SLC9D1: variants seen among roughly 807,000 people sequenced by gnomAD.
The protein encoded by SLC9D1 is solute carrier family 9 member D1.
At chr13:113,535,959 G>A in the SLC9D1 span, among the ~76,000 whole-genome samples, 2 of 152,226 alleles carry the variant, frequency 1.3e-5, no homozygotes, top group East Asian at 1.9e-4. This position sits in a 1 kb window ranked among gnomAD's most constrained non-coding sequence, Gnocchi z 4.1. Context: ...TGCTGTGTCC[G>A]TATCAGCACC....
the SLC9D1 span, among the ~76,000 whole-genome samples, chr13:113,531,629 G>A: frequency 1.3e-5 from 2 of 149,852 alleles, no homozygotes; most frequent in Non-Finnish European, 3.0e-5. Context: ...GTGGCACGGC[G>A]CCCCGTACGT....
the SLC9D1 span, chr13:113,510,417 CAA>C: frequency 6.2e-7 from 1 of 1,611,262 alleles, no homozygotes; most frequent in Non-Finnish European, 8.5e-7. Flanking sequence ...CTCGGGGTGA[CAA>C]AGAAGGTAGG....
chr13:113,514,792 C>G, the SLC9D1 span, among the ~76,000 whole-genome samples: 1 of 152,234 alleles, frequency 6.6e-6, no homozygotes, highest in Admixed American at 6.5e-5. Flanking sequence ...TCTTGGCTCA[C>G]TGCAGCCCCA....
At chr13:113,515,867 G>A in the SLC9D1 span, among the ~76,000 whole-genome samples, 11 of 140,366 alleles carry the variant, frequency 7.8e-5, no homozygotes, top group Non-Finnish European at 1.5e-4. Flanking sequence ...CTCCAGCCTG[G>A]TTGACAGAGC....
chr13:113,504,234 T>C, the SLC9D1 span: 1 of 152,262 alleles, frequency 6.6e-6, no homozygotes, highest in Non-Finnish European at 1.5e-5. Context: ...GGGTTTTTTT[T>C]CCACGAAAGA....
chr13:113,496,461 A>T, the SLC9D1 span, among the ~76,000 whole-genome samples: 1 of 152,250 alleles, frequency 6.6e-6, no homozygotes, highest in Non-Finnish European at 1.5e-5. Flanking sequence ...GAAAATAAAA[A>T]TACTAAAATT....
the SLC9D1 span, chr13:113,495,621 C>A: frequency 6.4e-7 from 1 of 1,561,244 alleles, no homozygotes; most frequent in Non-Finnish European, 8.7e-7. Context: ...GGTGCTGTTT[C>A]CCGTCCTTCC....
At chr13:113,520,340 C>G in the SLC9D1 span, among the ~76,000 whole-genome samples, 1 of 151,914 alleles carries the variant, frequency 6.6e-6, no homozygotes, top group Non-Finnish European at 1.5e-5. Context: ...AAAAATTAGC[C>G]AGGCGTGATG....
chr13:113,503,337 CTGTGTGATTGTG>C, the SLC9D1 span, among the ~76,000 whole-genome samples: 1 of 114,556 alleles, frequency 8.7e-6, no homozygotes, highest in African/African-American at 4.4e-5. Flanking sequence ...TCGAAGTACA[CTGTGTGATTGTG>C]TGTGTGTGTG....
chr13:113,542,554 A>C, the SLC9D1 span, among the ~76,000 whole-genome samples: 1 of 152,258 alleles, frequency 6.6e-6, no homozygotes, highest in Non-Finnish European at 1.5e-5. Context: ...CTAACATGTC[A>C]GTGGCAAATT....
chr13:113,502,575 G>A, the SLC9D1 span, among the ~76,000 whole-genome samples: 1 of 152,302 alleles, frequency 6.6e-6, no homozygotes, highest in East Asian at 1.9e-4. Flanking sequence ...CCCAGTCGAG[G>A]CAGTGGGCAG....
the SLC9D1 span, among the ~76,000 whole-genome samples, chr13:113,548,734 C>T: frequency 1.3e-5 from 2 of 152,234 alleles, no homozygotes; most frequent in Admixed American, 1.3e-4. Context: ...CTTTTTAAAG[C>T]TGAACTGCCA....
At chr13:113,545,284 A>C in the SLC9D1 span, among the ~76,000 whole-genome samples, 11 of 147,132 alleles carry the variant, frequency 7.5e-5, no homozygotes, top group African/African-American at 2.9e-4. Context: ...GCACACAGAG[A>C]TTGAAACATC....
At chr13:113,533,380 A>G in the SLC9D1 span, among the ~76,000 whole-genome samples, 3 of 152,242 alleles carry the variant, frequency 2.0e-5, no homozygotes, top group Non-Finnish European at 2.9e-5. Context: ...GCCAGACTGC[A>G]GAGGCTGACG....
the SLC9D1 span, among the ~76,000 whole-genome samples, chr13:113,520,242 T>C: frequency 6.6e-6 from 1 of 152,134 alleles, no homozygotes; most frequent in East Asian, 1.9e-4. Context: ...TCCCAGCACT[T>C]TGGGAGGCCA....
the SLC9D1 span, chr13:113,503,802 C>T: frequency 1.8e-6 from 1 of 541,120 alleles, no homozygotes. Context: ...TTGGAATTTG[C>T]CTTCACATGG....
the SLC9D1 span, among the ~76,000 whole-genome samples, chr13:113,543,718 G>A: frequency 9.3e-5 from 14 of 150,104 alleles, no homozygotes; most frequent in East Asian, 4.1e-4. Context: ...TGTCTTGTCC[G>A]CCGGGGCTTT....
chr13:113,533,353 C>T, the SLC9D1 span, among the ~76,000 whole-genome samples: 2 of 152,218 alleles, frequency 1.3e-5, no homozygotes, highest in Admixed American at 1.3e-4. Context: ...TTTGCGTTTC[C>T]AGCACTTCTG....
the SLC9D1 span, among the ~76,000 whole-genome samples, chr13:113,518,917 A>G: frequency 0.21 from 31,870 of 152,080 alleles, 4,024 homozygotes; most frequent in African/African-American, 0.36. Flanking sequence ...CTTCTAAAAC[A>G]ATTACCTGAA....
Sources: allele counts gnomAD v4.1 joint callset (sites outside exome capture counted in the v4.1 genomes callset), GRCh38; gene constraint gnomAD v4.1.1; non-coding constraint Gnocchi (gnomAD v3.1); transcripts MANE v1.5; gene names NCBI Gene and HGNC (gene_info 2026-07-23, HGNC 2026-07-21).